AKR7A3: variants seen among roughly 807,000 people sequenced by gnomAD.
The protein encoded by AKR7A3 is aldo-keto reductase family 7 member A3.
Under a neutral mutation model 32.5 loss-of-function variants are expected in AKR7A3, and 37 were observed. That is an observed-to-expected ratio of 1.14 (90% CI 0.88 to 1.50). The LOEUF (loss-of-function observed/expected upper bound fraction) is 1.50, where lower values mean the gene tolerates loss of function less well. Among genes scored for constraint, AKR7A3 ranks in the 40% most tolerant of loss-of-function variants. The pLI, the probability that AKR7A3 is intolerant of heterozygous loss-of-function variation, is 0.00. For missense variants in AKR7A3, 412 were observed against 453.2 expected, an observed-to-expected ratio of 0.91 and a Z score of 0.83; for synonymous variants, 177 against 188.4, an observed-to-expected ratio of 0.94 and a Z score of 0.50.
intron 5 of AKR7A3, 91 bp from the exon 6 acceptor site, chr1:19,284,216 C>T: frequency 6.7e-7 from 1 of 1,496,344 alleles, no homozygotes; most frequent in Non-Finnish European, 8.9e-7. Flanking sequence ...ACCCCACACC[C>T]TGCAGCCCTG....
At chr1:19,287,587 G>T (rs1281198615) in intron 1 of AKR7A3, among the ~76,000 whole-genome samples, 1 of 151,866 alleles carries the variant, frequency 6.6e-6, no homozygotes, top group Non-Finnish European at 1.5e-5. Context: ...GACTGAGGGC[G>T]GCTCCTCCTG....
At chr1:19,274,421 C>A in the AKR7A3 span, among the ~76,000 whole-genome samples, 21 of 151,850 alleles carry the variant, frequency 1.4e-4, no homozygotes, top group African/African-American at 4.1e-4. Flanking sequence ...GCCCCGTCGT[C>A]CCCCATCCCT....
chr1:19,286,498 G>C (rs528870250), intron 1 of AKR7A3, 126 bp from the exon 2 acceptor site: 34 of 945,356 alleles, frequency 3.6e-5, no homozygotes, highest in Non-Finnish European at 5.1e-5. Context: ...GGACCAACAT[G>C]GTGAAACCCC....
chr1:19,287,308 A>G (rs1204255514), intron 1 of AKR7A3, among the ~76,000 whole-genome samples: 3 of 146,722 alleles, frequency 2.0e-5, no homozygotes, highest in African/African-American at 7.5e-5. Context: ...CCCTGTCTCA[A>G]AAAAAAAAAA....
intron 1 of AKR7A3, among the ~76,000 whole-genome samples, chr1:19,286,635 T>A (rs972467663): frequency 6.6e-6 from 1 of 151,840 alleles, no homozygotes; most frequent in African/African-American, 2.4e-5. Context: ...GAGCCGAGAT[T>A]GTGCCACAGC....
Position 19,284,317 on chromosome 1 carries a change from C to A in AKR7A3, c.705-192G>T, listed in dbSNP as rs1448181453. Among the ~76,000 whole-genome samples, 3 of 151,916 alleles carry A rather than the reference C, an allele frequency of 2.0e-5. No individual in the cohort carries two copies. In the East Asian group the frequency reaches 5.8e-4, roughly 29 times the overall value. ...CTGGGCCCCTCAGCAGAGACCTCAA[C>A]AAATCTTTATTCCTGAGGACTCATC... On this transcript the variant is annotated intron_variant, in intron 5 of 6. Transcript: ENST00000361640.
chr1:19,285,125 AG>A lies in AKR7A3; in HGVS notation c.508-12del, dbSNP rs1248123395. ...GGCATTGTACATGCCCTGTAAGGAG[AG>A]GGGCCCCGGGGGAGAGGGTGGATGT... On this transcript the variant is annotated splice_polypyrimidine_tract_variant and intron_variant, in intron 3 of 6. Coordinates refer to ENST00000361640, the MANE Select transcript of AKR7A3 (RefSeq NM_012067.3). 6.2e-7 allele frequency: 1 copy of A among 1,613,380 alleles called. No individual in the cohort carries two copies. The highest frequency in any genetic ancestry group is 1.3e-5 in the African/African-American group (1 of 74,650).
Position 19,284,687 on chromosome 1 carries a change from G to A in AKR7A3, c.703C>T (p.Arg235Cys), listed in dbSNP as rs756610725. ...CCACACCAAGCACCCACAGCTTACCGATTCCTGTACATCTCTGCCCAGGTA... is the reference window on the plus strand; with the variant it reads ...CCACACCAAGCACCCACAGCTTACCAATTCCTGTACATCTCTGCCCAGGTA... ...GNTWAEMYRN[R>C]YWKEHHFEGI... Residue 235 changes from arginine (R) to cysteine (C), a missense_variant and splice_region_variant, in exon 5 of 7, where the codon CGC becomes TGC. Physicochemically the swap from Arg to Cys is radical, Grantham distance 180. Coordinates refer to ENST00000361640, the MANE Select transcript of AKR7A3 (RefSeq NM_012067.3). 4.0e-5 allele frequency: 64 copies of A among 1,613,788 alleles called. 1 individual carries two copies. The highest frequency in any genetic ancestry group is 3.8e-4 in the Admixed American group (23 of 60,012).
chr1:19,285,856 G>C lies in AKR7A3; in HGVS notation c.507+32C>G, dbSNP rs573750705. ...CAGCCCAGGATGAGCAGGAGTTCTG[G>C]AGACCTTGGCCTCTGCAGCCCTGGC... is the stretch of plus-strand genomic sequence containing the variant. On this transcript the variant is annotated intron_variant, in intron 3 of 6. Transcript: ENST00000361640. 1.3e-4 allele frequency: 210 copies of C among 1,612,908 alleles called. No homozygotes were observed. In the East Asian group the frequency reaches 4.3e-3, roughly 33 times the overall value.
intron 5 of AKR7A3, 53 bp from the exon 6 acceptor site, chr1:19,284,178 C>T (rs2093724569): frequency 2.6e-6 from 4 of 1,566,862 alleles, no homozygotes; most frequent in East Asian, 4.5e-5. Flanking sequence ...GGAGCCACAA[C>T]CAAAGAGCCA....
chr1:19,276,133 C>T, the AKR7A3 span, among the ~76,000 whole-genome samples: 7 of 151,650 alleles, frequency 4.6e-5, no homozygotes, highest in Admixed American at 6.6e-5. Context: ...GAGGCTGAGG[C>T]GGGTGGATCA....
At chr1:19,283,455 T>C (rs1454242136) in intron 6 of AKR7A3, among the ~76,000 whole-genome samples, 3 of 151,956 alleles carry the variant, frequency 2.0e-5, no homozygotes, top group Non-Finnish European at 4.4e-5. Context: ...ACTGGGATAG[T>C]CATTTCATAA....
At chr1:19,283,123 C>T (rs917587635) in intron 6 of AKR7A3, among the ~76,000 whole-genome samples, 18 of 148,526 alleles carry the variant, frequency 1.2e-4, no homozygotes, top group African/African-American at 4.3e-4. Flanking sequence ...AGTTCTGCCC[C>T]CCAGCAGCTG....
At chr1:19,275,533 T>C in the AKR7A3 span, among the ~76,000 whole-genome samples, 2 of 151,206 alleles carry the variant, frequency 1.3e-5, no homozygotes, top group East Asian at 2.0e-4. Flanking sequence ...CTGGCCCGTA[T>C]AGTGGTTGAC....
downstream of AKR7A3, among the ~76,000 whole-genome samples, chr1:19,278,596 C>A (rs1413500748): frequency 6.6e-5 from 10 of 151,174 alleles, no homozygotes; most frequent in Non-Finnish European, 1.3e-4. Context: ...AAAACAAAAA[C>A]AAAAAAACTA....
Position 19,284,751 on chromosome 1 carries a change from G to A in AKR7A3, c.639C>T (p.Asp213=). 9 of 1,613,838 alleles carry A rather than the reference G, an allele frequency of 5.6e-6. No homozygotes were observed. The highest frequency in any genetic ancestry group is 2.2e-5 in the East Asian group (1 of 44,872). ...GLLTGKYKYE[D]KNGKQPVGRF... is the part of the protein sequence containing the mutation. ...GGCCCACGGGCTGTTTCCCATTCTT[G>A]TCCTCATACTTGTACTTGCCGGTCA... Residue 213 remains aspartate, a synonymous_variant, in exon 5 of 7, where the codon GAC becomes GAT. Transcript: ENST00000361640.
chr1:19,282,136 G>A (rs997841032), downstream of AKR7A3, among the ~76,000 whole-genome samples: 3 of 151,816 alleles, frequency 2.0e-5, no homozygotes, highest in African/African-American at 7.3e-5. Context: ...GGGTGGTACT[G>A]GTACAATGAT....
rs776069830 is a variant in AKR7A3, at chr1:19,288,488, ACT to A, written c.214+6_214+7del. The stretch of plus-strand genomic sequence containing the variant: ...CCGTGCAGGGGGAGGATCAGGGGCC[ACT>A]GTTACCTCTGCAGTCGCTGCCGCCC... On this transcript the variant is annotated splice_donor_region_variant and intron_variant, in intron 1 of 6. Transcript: ENST00000361640. 2.5e-6 allele frequency: 4 copies of A among 1,609,972 alleles called. No homozygotes were observed. In the South Asian group the frequency reaches 4.4e-5, roughly 18 times the overall value.
chr1:19,280,922 T>A (rs6667864), downstream of AKR7A3, among the ~76,000 whole-genome samples: 918 of 151,934 alleles, frequency 6.0e-3, 19 homozygotes, highest in African/African-American at 0.021. Context: ...TAAAATTAAT[T>A]GACAATACCA....
Sources: gnomAD v4.1 joint callset for allele counts (sites outside exome capture counted in the v4.1 genomes callset) on GRCh38, gnomAD v4.1.1 for gene constraint, MANE v1.5 for transcripts, NCBI Gene and HGNC (gene_info 2026-07-23, HGNC 2026-07-21) for gene names.